AXDND1: variants seen among roughly 807,000 people sequenced by gnomAD.
AXDND1 encodes axonemal dynein light chain domain-containing protein 1.
AXDND1 carries 110 observed loss-of-function variants against 137.5 expected under a neutral mutation model. That is an observed-to-expected ratio of 0.80 (90% CI 0.69 to 0.94). AXDND1 has a LOEUF of 0.94. AXDND1 is among the 40% of genes least tolerant of loss of function. AXDND1 has a pLI of 0.00. For missense variants in AXDND1, 1,191 were observed against 1,169.8 expected (o/e 1.02, Z -0.26); for synonymous variants, 414 against 399.7 (o/e 1.04, Z -0.43).
intron 23 of AXDND1, among the ~76,000 whole-genome samples, chr1:179,531,690 G>A (rs1391227150): frequency 1.3e-5 from 2 of 152,166 alleles, no homozygotes; most frequent in Non-Finnish European, 1.5e-5. Flanking sequence ...GTCCAGAACT[G>A]AATCCCAAGG....
chr1:179,530,220 G>C (rs1280865541), intron 23 of AXDND1, among the ~76,000 whole-genome samples: 1 of 151,990 alleles, frequency 6.6e-6, no homozygotes, highest in Non-Finnish European at 1.5e-5. Context: ...TAATAGAGAT[G>C]GGGTTTCATT....
chr1:179,521,785 A>G (rs1572160106), intron 21 of AXDND1, among the ~76,000 whole-genome samples: 1 of 124,708 alleles, frequency 8.0e-6, no homozygotes, highest in Non-Finnish European at 1.7e-5. Context: ...TTTGCTGGGT[A>G]TGCTATTGAT....
chr1:179,554,645 A>G lies in AXDND1; in HGVS notation c.*126A>G, dbSNP rs1181122201. On this transcript the variant is annotated 3_prime_UTR_variant, in exon 26 of 26. Transcript: ENST00000367618. ...GGAACAACATTCCCTTTGAAAGGAC[A>G]TTATTTGCCTGTTGTATTTAACTTC... 5 of 1,432,882 alleles carry G rather than the reference A, an allele frequency of 3.5e-6. No individual in the cohort carries two copies. The highest frequency in any genetic ancestry group is 4.6e-5 in the East Asian group (2 of 43,738). The allele number at this position is 1,432,882 out of a possible 1,614,324, so 88.8% of individuals were successfully genotyped here. A position where few individuals can be genotyped will look rare whatever the true frequency, so the allele number is the denominator to read the frequency against.
At chr1:179,409,018 G>C (rs1352777826) in intron 11 of AXDND1, among the ~76,000 whole-genome samples, 1 of 143,752 alleles carries the variant, frequency 7.0e-6, no homozygotes, top group Non-Finnish European at 1.5e-5. Context: ...ATTTTGATAG[G>C]GGTTGCATTG....
intron 20 of AXDND1, among the ~76,000 whole-genome samples, chr1:179,507,171 T>G (rs1004140980): frequency 6.6e-6 from 1 of 152,166 alleles, no homozygotes; most frequent in Admixed American, 6.5e-5. Flanking sequence ...TTAGAATCAA[T>G]TAAGAATATT....
intron 20 of AXDND1, among the ~76,000 whole-genome samples, chr1:179,493,398 C>G (rs962348215): frequency 6.6e-6 from 1 of 151,990 alleles, no homozygotes; most frequent in Non-Finnish European, 1.5e-5. Context: ...TTTATTTAGT[C>G]TCTGTTGTTA....
chr1:179,452,634 G>A (rs1660698477), intron 16 of AXDND1: 1 of 130,500 alleles, frequency 7.7e-6, no homozygotes, highest in Non-Finnish European at 1.5e-5. Context: ...CTTGCAGTGA[G>A]CCGAGATTGC....
At position 179,468,469 on chromosome 1, in the gene AXDND1, A is replaced by G. The variant is rs779483631; in HGVS notation, c.1825A>G (p.Ile609Val). The G allele has an allele frequency of 2.5e-6, 4 of 1,611,246 alleles. No individual in the cohort carries two copies. Among genetic ancestry groups the G allele is most frequent in the Non-Finnish European group, 8.5e-7 (1 of 1,179,120 alleles). ...NGYSKILPSLISSLDFCSFKL... is the reference protein window; with the variant it reads ...NGYSKILPSLVSSLDFCSFKL... ...TTACTCCAAAATTCTTCCAAGTTTGATTAGTTCTCTTGACTTCTGTTCTTT... is the reference window on the plus strand; with the variant it reads ...TTACTCCAAAATTCTTCCAAGTTTGGTTAGTTCTCTTGACTTCTGTTCTTT... The change falls in exon 17 of 26, where the codon ATT (isoleucine) becomes GTT (valine). Residue 609 changes from isoleucine (I) to valine (V), a missense_variant. Ile to Val is a conservative substitution (Grantham distance 29). Transcript: ENST00000367618.
chr1:179,518,568 T>G (rs1310877107), intron 21 of AXDND1, among the ~76,000 whole-genome samples: 1 of 152,120 alleles, frequency 6.6e-6, no homozygotes. Flanking sequence ...AAGGCCCCAG[T>G]ATGTATTGTT....
At chr1:179,490,074 A>G (rs1451216760) in intron 18 of AXDND1, among the ~76,000 whole-genome samples, 1 of 152,156 alleles carries the variant, frequency 6.6e-6, no homozygotes, top group Non-Finnish European at 1.5e-5. Context: ...TTATTCATTC[A>G]TTCAAGAAAC....
chr1:179,402,904 A>G (rs955909136), intron 11 of AXDND1, among the ~76,000 whole-genome samples: 1 of 152,238 alleles, frequency 6.6e-6, no homozygotes, highest in Non-Finnish European at 1.5e-5. Context: ...CCAATGATCA[A>G]TTCTCATTTC....
At chr1:179,421,057 C>G (rs186348162) in intron 12 of AXDND1, among the ~76,000 whole-genome samples, 203 of 112,930 alleles carry the variant, frequency 1.8e-3, no homozygotes, top group African/African-American at 6.5e-3. Flanking sequence ...TCCTTCCTTC[C>G]TTCCTTCCTT....
At chr1:179,457,175 G>A in intron 16 of AXDND1, 1 of 777,782 alleles carries the variant, frequency 1.3e-6, no homozygotes, top group Admixed American at 1.7e-5. Context: ...AAAGCCCCTG[G>A]AGTGCTTGGT....
chr1:179,378,788 C>A, intron 5 of AXDND1, 31 bp downstream of exon 5: 1 of 1,431,482 alleles, frequency 7.0e-7, no homozygotes, highest in Non-Finnish European at 9.3e-7. Context: ...ATAATCTTCT[C>A]TCCCTCTGTC....
chr1:179,533,076 CCTCTTCTATCT>C (rs780534179), intron 23 of AXDND1: 1 of 151,876 alleles, frequency 6.6e-6, no homozygotes, highest in Non-Finnish European at 1.5e-5. Flanking sequence ...GGCTGTCCAC[CCTCTTCTATCT>C]CTCCTTCCGT....
At chr1:179,372,040 G>C (rs1023556484) in intron 4 of AXDND1, among the ~76,000 whole-genome samples, 1 of 152,120 alleles carries the variant, frequency 6.6e-6, no homozygotes, top group Admixed American at 6.6e-5. Flanking sequence ...AGAGCAGTAA[G>C]ATAATAAATT....
intron 20 of AXDND1, among the ~76,000 whole-genome samples, chr1:179,494,151 C>T (rs1026946860): frequency 6.6e-6 from 1 of 152,020 alleles, no homozygotes; most frequent in Non-Finnish European, 1.5e-5. Flanking sequence ...GGGGTTTCAC[C>T]GTGTTGACCA....
At position 179,491,549 on chromosome 1, in the gene AXDND1, A is replaced by G. The variant is rs1666898162; in HGVS notation, c.2103A>G (p.Leu701=). The G allele has an allele frequency of 6.2e-7, 1 of 1,601,740 alleles. No homozygotes were observed. The highest frequency in any genetic ancestry group is 1.3e-5 in the African/African-American group (1 of 74,606). The change falls in exon 19 of 26, where the codon TTA becomes TTG. Residue 701 remains leucine, a synonymous_variant. Coordinates refer to ENST00000367618, the MANE Select transcript of AXDND1 (RefSeq NM_144696.6). The stretch of plus-strand genomic sequence containing the variant: ...TCATTTTTTAACAGATGGATGAGTT[A>G]CATATATCTATGATCCAGTGGATGG... ...NIELQHHMDE[L]HISMIQWMVN... is the part of the protein sequence containing the mutation.
intron 21 of AXDND1, among the ~76,000 whole-genome samples, chr1:179,516,355 T>C (rs986289459): frequency 6.6e-6 from 1 of 152,136 alleles, no homozygotes; most frequent in Non-Finnish European, 1.5e-5. Flanking sequence ...TCCCTTTCCT[T>C]CTTGTATCAT....
Sources: gnomAD v4.1 joint callset for allele counts (sites outside exome capture counted in the v4.1 genomes callset) on GRCh38, gnomAD v4.1.1 for gene constraint, MANE v1.5 for transcripts, NCBI Gene and HGNC (gene_info 2026-07-23, HGNC 2026-07-21) for gene names.